RBMS3: variants seen among roughly 807,000 people sequenced by gnomAD.
RBMS3 encodes the protein RNA binding motif single stranded interacting protein 3.
In RBMS3, 27 loss-of-function variants were observed where a neutral mutation model predicts 66.8. The observed-to-expected ratio is 0.40, with a 90% CI of 0.30 to 0.56. The LOEUF (loss-of-function observed/expected upper bound fraction) is 0.56, where lower values mean the gene tolerates loss of function less well. Ranked by LOEUF, RBMS3 falls within the 20% of genes least tolerant of loss-of-function variation. RBMS3 has a pLI of 0.40. For missense variants in RBMS3, 513 were observed against 549.5 expected, an observed-to-expected ratio of 0.93 and a Z score of 0.66; for synonymous variants, 188 against 183.0, an observed-to-expected ratio of 1.03 and a Z score of -0.22.
intron 1 of RBMS3, among the ~76,000 whole-genome samples, chr3:29,291,575 G>A (rs2032813712): frequency 6.6e-6 from 1 of 151,802 alleles, no homozygotes; most frequent in Non-Finnish European, 1.5e-5. Context: ...CCTCTTAGGG[G>A]AGTAGGCAAG....
intron 6 of RBMS3, among the ~76,000 whole-genome samples, chr3:29,809,949 T>G (rs2057681501): frequency 6.6e-6 from 1 of 152,100 alleles, no homozygotes; most frequent in Non-Finnish European, 1.5e-5. Context: ...TTTCATTGAT[T>G]AGATGTTTTC....
intron 2 of RBMS3, among the ~76,000 whole-genome samples, chr3:29,459,342 A>G (rs560594341): frequency 5.0e-4 from 76 of 152,320 alleles, no homozygotes; most frequent in African/African-American, 1.8e-3. Context: ...CATCATGTAG[A>G]GCTTGACTAG....
At chr3:29,420,947 G>GAAAA (rs397757488) in intron 1 of RBMS3, among the ~76,000 whole-genome samples, 1 of 125,478 alleles carries the variant, frequency 8.0e-6, no homozygotes, top group South Asian at 2.6e-4. Context: ...TACTAAAAAT[G>GAAAA]AAAAAAAAAA....
intron 3 of RBMS3, among the ~76,000 whole-genome samples, chr3:29,564,173 A>G (rs572198964): frequency 2.0e-5 from 3 of 152,244 alleles, no homozygotes; most frequent in East Asian, 1.9e-4. Flanking sequence ...TAGCTAATCT[A>G]TATTACAATA....
At chr3:29,936,937 A>T (rs1054042966) in intron 11 of RBMS3, among the ~76,000 whole-genome samples, 2 of 152,100 alleles carry the variant, frequency 1.3e-5, no homozygotes, top group Non-Finnish European at 2.9e-5. Context: ...CTGAAACTTC[A>T]TTAGTTGCCA....
Position 29,772,445 on chromosome 3 carries a change from C to T in RBMS3, c.637+9456C>T, listed in dbSNP as rs2056251342. 3.3e-5 allele frequency among the ~76,000 whole-genome samples: 5 copies of T among 151,960 alleles called. No individual in the cohort carries two copies. In the South Asian group the frequency reaches 8.3e-4, roughly 25 times the overall value. On this transcript the variant is annotated intron_variant, in intron 6 of 14. Transcript: ENST00000383767. ...TCTCATAGTTTCTCCTGATTTTTAC[C>T]TTCTTTGTGAGTTTTTATTGAAGAA...
At chr3:29,537,822 C>CAAA (rs1195812359) in intron 3 of RBMS3, among the ~76,000 whole-genome samples, 2,475 of 70,752 alleles carry the variant, frequency 0.035, 30 homozygotes, top group Non-Finnish European at 0.053. Context: ...GACTCCACCT[C>CAAA]AAAAAAAAAA....
chr3:29,420,256 C>T (rs533224093), intron 1 of RBMS3, among the ~76,000 whole-genome samples: 212 of 152,294 alleles, frequency 1.4e-3, no homozygotes, highest in African/African-American at 4.8e-3. Context: ...CCACATATTC[C>T]CTCATGGTGC....
At chr3:29,630,688 T>C (rs1454030882) in intron 4 of RBMS3, among the ~76,000 whole-genome samples, 4 of 152,020 alleles carry the variant, frequency 2.6e-5, no homozygotes, top group African/African-American at 9.7e-5. Flanking sequence ...CCCAGGCCTT[T>C]GAATCCAAAT....
intron 6 of RBMS3, among the ~76,000 whole-genome samples, chr3:29,831,615 A>G (rs1380015937): frequency 2.0e-5 from 3 of 152,132 alleles, no homozygotes; most frequent in Admixed American, 1.3e-4. Context: ...AAATCACTCG[A>G]TACTTGCTGA....
intron 1 of RBMS3, among the ~76,000 whole-genome samples, chr3:29,329,490 C>T (rs566740259): frequency 1.3e-5 from 2 of 152,142 alleles, no homozygotes; most frequent in Middle Eastern, 3.4e-3. Flanking sequence ...TATTAAAAGA[C>T]TCATAATGAA....
At chr3:29,872,125 A>T (rs919602628) in intron 7 of RBMS3, among the ~76,000 whole-genome samples, 2 of 152,124 alleles carry the variant, frequency 1.3e-5, no homozygotes, top group Non-Finnish European at 2.9e-5. Flanking sequence ...GGTGTTCTAC[A>T]GTTCTTATTG....
chr3:29,588,434 T>C (rs1389092576), intron 4 of RBMS3, among the ~76,000 whole-genome samples: 1 of 152,138 alleles, frequency 6.6e-6, no homozygotes, highest in Non-Finnish European at 1.5e-5. Flanking sequence ...TTGAGATTGC[T>C]AACATTATTT....
chr3:29,370,160 G>A (rs376825065), intron 1 of RBMS3, among the ~76,000 whole-genome samples: 33 of 152,250 alleles, frequency 2.2e-4, no homozygotes, highest in Non-Finnish European at 3.4e-4. Context: ...AAGTTGTCTC[G>A]TATTTTCTCT....
intron 1 of RBMS3, among the ~76,000 whole-genome samples, chr3:29,407,430 G>T (rs2125677356): frequency 6.6e-6 from 1 of 152,186 alleles, no homozygotes; most frequent in South Asian, 2.1e-4. Context: ...CATTAAGGGT[G>T]ATCTTTCTTA....
At chr3:29,973,531 A>G (rs1157501376) in intron 12 of RBMS3, among the ~76,000 whole-genome samples, 5 of 152,060 alleles carry the variant, frequency 3.3e-5, no homozygotes, top group Admixed American at 3.3e-4. Context: ...CTTTATTGCC[A>G]TAGTATATGG....
intron 4 of RBMS3, among the ~76,000 whole-genome samples, chr3:29,645,678 C>T (rs190837507): frequency 1.2e-3 from 177 of 152,202 alleles, no homozygotes; most frequent in South Asian, 2.5e-3. Context: ...TTCTGTAACA[C>T]GTTTTGACTT....
intron 2 of RBMS3, among the ~76,000 whole-genome samples, chr3:29,454,906 A>G (rs1303441036): frequency 6.6e-6 from 1 of 152,190 alleles, no homozygotes; most frequent in Non-Finnish European, 1.5e-5. Context: ...ATTTCCAAAT[A>G]ATTTTATAAT....
rs182102612 is a variant in RBMS3, at chr3:29,577,589, A to C, written c.308-9525A>C. Among the ~76,000 whole-genome samples, 49 of 152,306 alleles carry C rather than the reference A, an allele frequency of 3.2e-4. No individual in the cohort carries two copies. In the East Asian group the frequency reaches 9.3e-3, roughly 29 times the overall value. On this transcript the variant is annotated intron_variant, in intron 3 of 14. Transcript: ENST00000383767. ...GGCTTGCCAGGAAACTTGGGTATCA[A>C]CTGATGAGATGGATGATTCTTCTCT...
Sources: gnomAD v4.1 joint callset for allele counts (sites outside exome capture counted in the v4.1 genomes callset) on GRCh38, gnomAD v4.1.1 for gene constraint, MANE v1.5 for transcripts, NCBI Gene and HGNC (gene_info 2026-07-23, HGNC 2026-07-21) for gene names.